Variants in XPNPEP3 observed in about 807,000 individuals in gnomAD.
XPNPEP3 encodes the protein xaa-Pro aminopeptidase 3.
Under a neutral mutation model 60.0 loss-of-function variants are expected in XPNPEP3, and 41 were observed. The observed-to-expected ratio is 0.68, with a 90% CI of 0.53 to 0.89. The LOEUF is 0.89. Ranked by LOEUF, XPNPEP3 falls within the 40% of genes least tolerant of loss-of-function variation. XPNPEP3 has a pLI of 0.00. For missense variants in XPNPEP3, 598 were observed against 638.9 expected (o/e 0.94, Z 0.69); for synonymous variants, 212 against 223.2 (o/e 0.95, Z 0.45).
intron 2 of XPNPEP3, among the ~76,000 whole-genome samples, chr22:40,878,875 A>C (rs1379379974): frequency 6.6e-6 from 1 of 152,214 alleles, no homozygotes; most frequent in Non-Finnish European, 1.5e-5. Flanking sequence ...GGCGTGAGCC[A>C]CTGCACCCAG....
In XPNPEP3 at chr22:40,932,342, T is replaced by C. The variant is rs1205675677; in HGVS notation, c.*5907T>C. 4 of 152,080 alleles carry C rather than the reference T, an allele frequency of 2.6e-5. No individual in the cohort carries two copies. The East Asian group carries it at 7.7e-4, about 29-fold the overall frequency. The allele number at this position is 152,080 out of a possible 1,614,324, so 9.4% of individuals were successfully genotyped here. ...GGTTTTTATGGTGTGATTGTGTTTTTTTTTTTTTAATTTTTGTTTCCTGAA... is the reference window on the plus strand; with the variant it reads ...GGTTTTTATGGTGTGATTGTGTTTTCTTTTTTTTAATTTTTGTTTCCTGAA... On this transcript the variant is annotated 3_prime_UTR_variant, in exon 10 of 10. Transcript: ENST00000357137.
chr22:40,916,938 C>T (rs1392517642), intron 7 of XPNPEP3, among the ~76,000 whole-genome samples: 4 of 151,780 alleles, frequency 2.6e-5, no homozygotes, highest in Admixed American at 2.0e-4. Context: ...ATTAGCCAGG[C>T]GTGGTGGCAC....
In XPNPEP3 at chr22:40,872,980, G is replaced by A. The variant is rs6002186; in HGVS notation, c.181+3865G>A. ...TCTTAAAATTAGTTTTAGAATATGTGGTATAGTTTGGAATGCTAGGTTTAA... is the reference window on the plus strand; with the variant it reads ...TCTTAAAATTAGTTTTAGAATATGTAGTATAGTTTGGAATGCTAGGTTTAA... On this transcript the variant is annotated intron_variant, in intron 2 of 9. Transcript: ENST00000357137. 1.5e-3 allele frequency among the ~76,000 whole-genome samples: 233 copies of A among 151,726 alleles called. 4 individuals are homozygous for A. The highest frequency in any genetic ancestry group is 5.3e-3 in the African/African-American group (219 of 41,360).
rs1329875467 is a variant in XPNPEP3 at position 40,929,172 on chromosome 22, G to A, written c.*2737G>A. On this transcript the variant is annotated 3_prime_UTR_variant, in exon 10 of 10. Coordinates refer to ENST00000357137, the MANE Select transcript of XPNPEP3 (RefSeq NM_022098.4). ...GAATAAGGAATTTCCTTTTCTTCTT[G>A]TATCATTTTCTTTTCTTTTCTTTTT... 6.7e-6 allele frequency: 1 copy of A among 150,232 alleles called. No homozygotes were observed. The highest frequency in any genetic ancestry group is 1.5e-5 in the Non-Finnish European group (1 of 67,698). 9.3% of individuals were successfully genotyped at this position (150,232 alleles called of 1,614,324 possible).
intron 2 of XPNPEP3, 141 bp from the exon 3 acceptor site, chr22:40,881,627 ATC>A: frequency 1.0e-6 from 1 of 992,280 alleles, no homozygotes; most frequent in Non-Finnish European, 1.5e-6. Context: ...AAACCTGGTT[ATC>A]TCCTTAATTC....
At position 40,902,903 on chromosome 22, in the gene XPNPEP3, G is replaced by A. The variant is rs1257833714; in HGVS notation, c.793-4684G>A. Among the ~76,000 whole-genome samples, 3 of 152,172 alleles carry A rather than the reference G, an allele frequency of 2.0e-5. No homozygotes were observed. The East Asian group carries it at 5.8e-4, about 29-fold the overall frequency. On this transcript the variant is annotated intron_variant, in intron 4 of 9. Transcript: ENST00000357137. ...TTTTCTCCCTACGTAAGGGCTTGGT[G>A]GTTCTCTCACAGACCAGGAACCAGT...
At chr22:40,913,437 C>CAAA (rs900190983) in intron 6 of XPNPEP3, among the ~76,000 whole-genome samples, 1 of 79,698 alleles carries the variant, frequency 1.3e-5, no homozygotes, top group Admixed American at 1.4e-4. Context: ...GACTCTGTCT[C>CAAA]AAAAAAAAAA....
In XPNPEP3 at chr22:40,861,791, A is replaced by C. The variant is rs749714458; in HGVS notation, c.64+4546A>C. 65 of 1,613,416 alleles carry C rather than the reference A, an allele frequency of 4.0e-5. No individual in the cohort carries two copies. The South Asian group carries it at 6.9e-4, about 17-fold the overall frequency. On this transcript the variant is annotated intron_variant, in intron 1 of 9. Coordinates refer to ENST00000357137, the MANE Select transcript of XPNPEP3 (RefSeq NM_022098.4). ...CACCTCCGTTTAATCCTTCTGTGCC[A>C]TATTTATCATAAATGTCCCGTTTCT...
At chr22:40,922,566 G>A in intron 8 of XPNPEP3, 53 bp downstream of exon 8, 1 of 1,596,350 alleles carries the variant, frequency 6.3e-7, no homozygotes. Context: ...ATGCTGCTAG[G>A]TTTTTACCCT....
intron 2 of XPNPEP3, among the ~76,000 whole-genome samples, chr22:40,871,701 C>T (rs1295264428): frequency 6.6e-6 from 1 of 152,090 alleles, no homozygotes. Flanking sequence ...TGTACACATT[C>T]TTTGCATATT....
intron 6 of XPNPEP3, among the ~76,000 whole-genome samples, chr22:40,911,413 CTT>C (rs2058176727): frequency 6.6e-6 from 1 of 152,138 alleles, no homozygotes; most frequent in African/African-American, 2.4e-5. Flanking sequence ...TATGGAATGA[CTT>C]GAATTAATGT....
chr22:40,911,485 A>G (rs2058177005), intron 6 of XPNPEP3, among the ~76,000 whole-genome samples: 1 of 149,886 alleles, frequency 6.7e-6, no homozygotes, highest in South Asian at 2.1e-4. Flanking sequence ...TCCTTCGTGC[A>G]CTTTTAAACT....
At chr22:40,901,132 A>T (rs982755908) in intron 4 of XPNPEP3, among the ~76,000 whole-genome samples, 2 of 152,068 alleles carry the variant, frequency 1.3e-5, no homozygotes, top group Admixed American at 1.3e-4. Flanking sequence ...ACTTTAAAAA[A>T]TTGTTTAAAA....
At chr22:40,924,826 G>GT (rs1223842887) in intron 9 of XPNPEP3, among the ~76,000 whole-genome samples, 5 of 152,110 alleles carry the variant, frequency 3.3e-5, no homozygotes, top group Admixed American at 2.0e-4. Flanking sequence ...CAGCCACATT[G>GT]TTTATTTTTA....
intron 8 of XPNPEP3, among the ~76,000 whole-genome samples, chr22:40,923,550 C>G (rs1011181770): frequency 4.6e-5 from 7 of 152,028 alleles, no homozygotes; most frequent in Admixed American, 2.0e-4. Flanking sequence ...CTTTAACTAA[C>G]TGACGGAAAT....
Position 40,924,081 on chromosome 22 carries a change from A to T in XPNPEP3, c.1237-281A>T, listed in dbSNP as rs545729857. Among the ~76,000 whole-genome samples, 10 of 152,106 alleles carry T rather than the reference A, an allele frequency of 6.6e-5. No individual in the cohort carries two copies. In the South Asian group the frequency reaches 2.1e-3, roughly 32 times the overall value. ...GTGGTACTGAAGAAAAGAGACTTTC[A>T]TTTGCCACAGTCATTAGTTGGAATT... On this transcript the variant is annotated intron_variant, in intron 8 of 9. Transcript: ENST00000357137.
rs1344877559 is a variant in XPNPEP3, at chr22:40,911,532, T to TTTC, written c.969+2303_969+2305dup. On this transcript the variant is annotated intron_variant, in intron 6 of 9. Transcript: ENST00000357137. ...ATCTCTCCTATATTGAGGCATTTTC[T>TTTC]TTCTTCTTGCTTTTTTTTTTTTTTC... Among the ~76,000 whole-genome samples the TTTC allele has an allele frequency of 2.0e-5, 3 of 151,978 alleles. No individual in the cohort carries two copies. In the East Asian group the frequency reaches 5.8e-4, roughly 29 times the overall value.
intron 1 of XPNPEP3, among the ~76,000 whole-genome samples, chr22:40,864,100 C>G (rs1363579957): frequency 6.6e-6 from 1 of 152,244 alleles, no homozygotes; most frequent in East Asian, 1.9e-4. Context: ...AATGGCTACT[C>G]CATAGGCAGA....
intron 6 of XPNPEP3, among the ~76,000 whole-genome samples, chr22:40,912,993 C>T (rs2058182251): frequency 6.6e-6 from 1 of 152,156 alleles, no homozygotes; most frequent in Non-Finnish European, 1.5e-5. Flanking sequence ...GTTGCCATTA[C>T]TGTATGTTAT....
Sources: allele counts gnomAD v4.1 joint callset (sites outside exome capture counted in the v4.1 genomes callset), GRCh38; gene constraint gnomAD v4.1.1; transcripts MANE v1.5; gene names NCBI Gene and HGNC (gene_info 2026-07-23, HGNC 2026-07-21).